KIF21A: variants seen among roughly 807,000 people sequenced by gnomAD.
KIF21A encodes kinesin family member 21A, also known as kinesin-like protein KIF21A.
In KIF21A, 114 loss-of-function variants were observed where a neutral mutation model predicts 202.9. That is an observed-to-expected ratio of 0.56 (90% CI 0.48 to 0.66). The LOEUF (loss-of-function observed/expected upper bound fraction) is 0.66, where lower values mean the gene tolerates loss of function less well. Ranked by LOEUF, KIF21A falls within the 30% of genes least tolerant of loss-of-function variation. KIF21A has a pLI of 0.00. For synonymous variants in KIF21A, 667 were observed against 670.8 expected (o/e 0.99, Z 0.09); for missense variants, 1,677 against 1,994.9 (o/e 0.84, Z 3.04).
intron 7 of KIF21A, among the ~76,000 whole-genome samples, chr12:39,360,804 G>A (rs913171975): frequency 1.3e-5 from 2 of 152,066 alleles, no homozygotes; most frequent in Non-Finnish European, 1.5e-5. Flanking sequence ...AAACCAGCTC[G>A]AATTTTTTAA....
At chr12:39,357,124 C>A in intron 9 of KIF21A, 124 bp downstream of exon 9, 1 of 830,666 alleles carries the variant, frequency 1.2e-6, no homozygotes, top group Non-Finnish European at 2.0e-6. Context: ...TAACTTAAAA[C>A]CACAGACTGT....
intron 3 of KIF21A, 54 bp downstream of exon 3, chr12:39,369,675 A>G: frequency 3.7e-6 from 5 of 1,357,698 alleles, no homozygotes. Flanking sequence ...AATCATAAAC[A>G]CAGTCTATAA....
At chr12:39,363,235 A>G (rs767745697) in intron 6 of KIF21A, 22 bp from the exon 7 acceptor site, 2 of 1,415,314 alleles carry the variant, frequency 1.4e-6, no homozygotes, top group East Asian at 4.6e-5. Flanking sequence ...AGAAAGAAAG[A>G]CAGCAAAATG....
rs934532831 is a variant in KIF21A at position 39,384,713 on chromosome 12, A to G, written c.45-14452T>C. On this transcript the variant is annotated intron_variant, in intron 1 of 37. Transcript: ENST00000361418. ...CTATCTCACAGTGTCTGTAAGTCAG[A>G]AATCCAGGCATGGCACAGCTAGGGC... Among the ~76,000 whole-genome samples, 5 of 152,198 alleles carry G rather than the reference A, an allele frequency of 3.3e-5. 1 individual carries two copies. In the South Asian group the frequency reaches 1.0e-3, roughly 32 times the overall value.
At chr12:39,354,098 G>T (rs1948598751) in intron 10 of KIF21A, among the ~76,000 whole-genome samples, 1 of 152,064 alleles carries the variant, frequency 6.6e-6, no homozygotes, top group Admixed American at 6.6e-5. Context: ...CCCTAGGATT[G>T]TTTTGAGAAT....
chr12:39,322,774 C>T lies in KIF21A; in HGVS notation c.3565G>A (p.Val1189Ile), dbSNP rs1262449822. 6.2e-7 allele frequency: 1 copy of T among 1,614,086 alleles called. No homozygotes were observed. Among genetic ancestry groups the T allele is most frequent in the Admixed American group, 1.7e-5 (1 of 60,024 alleles). ...ATTCCAATCTCTTGCCCTTCTGCAA[C>T]AGGTGTGAGAGGGCCAGGCAAGGAG... ...DASLPGPLTP[V>I]AEGQEIGMNT... Residue 1189 changes from valine to isoleucine, a missense_variant, in exon 27 of 38, where the codon GTT becomes ATT. By Grantham distance (29) the Val-to-Ile change is conservative (BLOSUM62 3). Coordinates refer to ENST00000361418, the MANE Select transcript of KIF21A (RefSeq NM_001173464.2).
chr12:39,350,662 G>A (rs1292824788), intron 11 of KIF21A, among the ~76,000 whole-genome samples: 1 of 151,930 alleles, frequency 6.6e-6, no homozygotes, highest in East Asian at 1.9e-4. Flanking sequence ...CATAATCAAT[G>A]ATCCATGAAA....
chr12:39,332,088 A>G, intron 21 of KIF21A, 126 bp downstream of exon 21: 1 of 868,478 alleles, frequency 1.2e-6, no homozygotes, highest in Non-Finnish European at 1.8e-6. Context: ...TACATGTAAA[A>G]CCTAAGCATT....
intron 1 of KIF21A, among the ~76,000 whole-genome samples, chr12:39,386,051 T>A (rs547688310): frequency 1.3e-5 from 2 of 152,204 alleles, no homozygotes; most frequent in Non-Finnish European, 2.9e-5. Flanking sequence ...AGCTCCAATA[T>A]GTATCCTATG....
chr12:39,357,482 A>T lies in KIF21A; in HGVS notation c.1216-45T>A, dbSNP rs1332278578. Reference sequence around the variant, plus strand: ...TCCTTGTTGGTTGAGGAGCCTTAAAAACACAAGAGTTTTGCTTAAGAATAC... The same window carrying T: ...TCCTTGTTGGTTGAGGAGCCTTAAATACACAAGAGTTTTGCTTAAGAATAC... On this transcript the variant is annotated intron_variant, in intron 8 of 37. Coordinates refer to ENST00000361418, the MANE Select transcript of KIF21A (RefSeq NM_001173464.2). The T allele has an allele frequency of 2.6e-6, 4 of 1,517,234 alleles. No individual in the cohort carries two copies. The South Asian group carries it at 4.5e-5, about 17-fold the overall frequency. 94.0% of individuals were successfully genotyped at this position (1,517,234 alleles called of 1,614,324 possible).
rs747848120 is a variant in KIF21A, at chr12:39,331,714, G to A, written c.3129C>T (p.His1043=). The A allele has an allele frequency of 1.2e-6, 2 of 1,613,012 alleles. No individual in the cohort carries two copies. Among genetic ancestry groups the A allele is most frequent in the East Asian group, 4.5e-5 (2 of 44,828 alleles). The stretch of plus-strand genomic sequence containing the variant: ...CCTTATTGATGCCCATTGACAGGAA[G>A]TGATCTAGCAGGTATCGGGCTTCTG... ...TLTEARYLLD[H]FLSMGINKGL... Residue 1043 remains histidine (H), a synonymous_variant, in exon 22 of 38, where the codon CAC becomes CAT. Coordinates refer to ENST00000361418, the MANE Select transcript of KIF21A (RefSeq NM_001173464.2).
At chr12:39,343,667 T>C (rs2138459156) in intron 12 of KIF21A, among the ~76,000 whole-genome samples, 1 of 152,310 alleles carries the variant, frequency 6.6e-6, no homozygotes, top group South Asian at 2.1e-4. Flanking sequence ...GCACTATGAA[T>C]ATAAATACTT....
intron 1 of KIF21A, among the ~76,000 whole-genome samples, chr12:39,400,279 T>C (rs1455288662): frequency 3.9e-5 from 6 of 152,198 alleles, no homozygotes. Flanking sequence ...TCTCTTTTTT[T>C]CCTTCAACTT....
chr12:39,412,418 G>A (rs1047260535), intron 1 of KIF21A, among the ~76,000 whole-genome samples: 1 of 152,136 alleles, frequency 6.6e-6, no homozygotes, highest in African/African-American at 2.4e-5. Flanking sequence ...GAAAGGACTT[G>A]TTGAAAAGTA....
intron 12 of KIF21A, among the ~76,000 whole-genome samples, chr12:39,345,988 A>C (rs1947857352): frequency 6.8e-6 from 1 of 146,186 alleles, no homozygotes; most frequent in Non-Finnish European, 1.6e-5. Context: ...TTGTCATTTT[A>C]ATGATTTTTT....
At chr12:39,298,471 C>T (rs934303450) in intron 37 of KIF21A, among the ~76,000 whole-genome samples, 2 of 151,818 alleles carry the variant, frequency 1.3e-5, no homozygotes, top group East Asian at 3.9e-4. Flanking sequence ...AATTTCTGAC[C>T]GGTATAGTAG....
intron 14 of KIF21A, 67 bp downstream of exon 14, chr12:39,341,438 A>G (rs1265842017): frequency 3.5e-6 from 5 of 1,443,862 alleles, no homozygotes; most frequent in African/African-American, 1.4e-5. Context: ...GAATGTTAAG[A>G]GTTTTCTGTC....
chr12:39,353,240 G>A (rs988558609), intron 10 of KIF21A, among the ~76,000 whole-genome samples: 8 of 152,016 alleles, frequency 5.3e-5, no homozygotes, highest in Admixed American at 1.3e-4. Flanking sequence ...GCCCAGGCTC[G>A]TCTCAAGCTC....
In KIF21A at chr12:39,332,571, C is replaced by T. The variant is rs1946604243; in HGVS notation, c.2856+20G>A. 1.3e-6 allele frequency: 2 copies of T among 1,591,896 alleles called. No homozygotes were observed. The highest frequency in any genetic ancestry group is 1.7e-6 in the Non-Finnish European group (2 of 1,171,834). On this transcript the variant is annotated intron_variant, in intron 20 of 37. Transcript: ENST00000361418. ...AACAGTTAGCTAAGGGGGAGCGTAT[C>T]TACTCTCTATTTTCCACACCTTGAG...
Sources: gnomAD v4.1 joint callset for allele counts (sites outside exome capture counted in the v4.1 genomes callset) on GRCh38, gnomAD v4.1.1 for gene constraint, MANE v1.5 for transcripts, NCBI Gene and HGNC (gene_info 2026-07-23, HGNC 2026-07-21) for gene names.